ATP8B4: variants seen among roughly 807,000 people sequenced by gnomAD.
The protein encoded by ATP8B4 is ATPase phospholipid transporting 8B4 (putative), also known as probable phospholipid-transporting ATPase IM.
A neutral mutation model predicts 145.6 loss-of-function variants in ATP8B4; 133 were observed. The observed-to-expected ratio is 0.91, with a 90% CI of 0.79 to 1.05. The LOEUF is 1.05. Among genes scored for constraint, ATP8B4 ranks in the 50% least tolerant of loss-of-function variants. ATP8B4 has a pLI of 0.00. For synonymous variants in ATP8B4, 507 were observed against 492.9 expected (o/e 1.03, Z -0.38); for missense variants, 1,458 against 1,425.2 (o/e 1.02, Z -0.37).
At chr15:50,175,433 A>C (rs1174220151) in intron 1 of ATP8B4, among the ~76,000 whole-genome samples, 1 of 152,206 alleles carries the variant, frequency 6.6e-6, no homozygotes, top group Non-Finnish European at 1.5e-5. Flanking sequence ...ACGAACTCTA[A>C]CCAGTAAGAA....
intron 1 of ATP8B4, among the ~76,000 whole-genome samples, chr15:50,115,905 G>C (rs1057412342): frequency 6.6e-6 from 1 of 152,224 alleles, no homozygotes; most frequent in African/African-American, 2.4e-5. Context: ...CGGGGAGACA[G>C]AAGAGGTATC....
In ATP8B4 at chr15:49,860,098, C is replaced by A; in HGVS notation, c.*96G>T. 1 of 1,429,276 alleles carries A rather than the reference C, an allele frequency of 7.0e-7. No individual in the cohort carries two copies. Among genetic ancestry groups the A allele is most frequent in the Non-Finnish European group, 9.4e-7 (1 of 1,058,498 alleles). 88.5% of individuals were successfully genotyped at this position (1,429,276 alleles called of 1,614,324 possible). ...AAGTTAAGTGAGGCAATCTGCCTGCCCCACCTCTTGCCTCAAATCTCAAAC... is the reference window on the plus strand; with the variant it reads ...AAGTTAAGTGAGGCAATCTGCCTGCACCACCTCTTGCCTCAAATCTCAAAC... On this transcript the variant is annotated 3_prime_UTR_variant, in exon 28 of 28. Transcript: ENST00000284509.
intron 25 of ATP8B4, among the ~76,000 whole-genome samples, chr15:49,872,261 T>C (rs2033778327): frequency 6.6e-6 from 1 of 152,200 alleles, no homozygotes; most frequent in South Asian, 2.1e-4. Context: ...CTGTGTGATC[T>C]TGGGCAAATC....
intron 3 of ATP8B4, among the ~76,000 whole-genome samples, chr15:50,065,663 C>T (rs546653523): frequency 1.7e-4 from 26 of 152,162 alleles, no homozygotes; most frequent in African/African-American, 5.8e-4. Context: ...AAATTTATTC[C>T]ATTACAGCCA....
chr15:49,897,534 C>G lies in ATP8B4; in HGVS notation c.2474-19G>C, dbSNP rs754324504. ...TGAGCACCTACAAAGGAAAGAGGAACACTGTCACTCCCAAAACAAAGCCAC... is the reference window on the plus strand; with the variant it reads ...TGAGCACCTACAAAGGAAAGAGGAAGACTGTCACTCCCAAAACAAAGCCAC... On this transcript the variant is annotated intron_variant, in intron 22 of 27. Transcript: ENST00000284509. 1 of 1,479,454 alleles carries G rather than the reference C, an allele frequency of 6.8e-7. No individual in the cohort carries two copies. The highest frequency in any genetic ancestry group is 9.0e-7 in the Non-Finnish European group (1 of 1,112,542). The allele number at this position is 1,479,454 out of a possible 1,614,324, so 91.6% of individuals were successfully genotyped here. A position where few individuals can be genotyped will look rare whatever the true frequency, so the allele number is the denominator to read the frequency against.
In ATP8B4 at chr15:50,099,895, C is replaced by T. The variant is rs372709955; in HGVS notation, c.28+7044G>A. On this transcript the variant is annotated intron_variant, in intron 2 of 27. Coordinates refer to ENST00000284509, the MANE Select transcript of ATP8B4 (RefSeq NM_024837.4). ...TACTAAAAATACAAAATTAGCCAGG[C>T]GTAGTGGTGCATGCCTGTAATCCCA... 4.6e-5 allele frequency among the ~76,000 whole-genome samples: 7 copies of T among 151,972 alleles called. No homozygotes were observed. In the South Asian group the frequency reaches 6.2e-4, roughly 14 times the overall value.
chr15:49,885,002 T>C (rs981373248), intron 23 of ATP8B4, among the ~76,000 whole-genome samples: 7 of 152,234 alleles, frequency 4.6e-5, no homozygotes, highest in East Asian at 1.9e-4. Context: ...GGACCACTGA[T>C]TTAAAATAAC....
At chr15:50,174,562 A>C (rs945435900) in intron 1 of ATP8B4, among the ~76,000 whole-genome samples, 3 of 151,926 alleles carry the variant, frequency 2.0e-5, no homozygotes, top group Non-Finnish European at 4.4e-5. Flanking sequence ...AAAAAAAAAA[A>C]AAAAAACTTA....
chr15:49,898,369 C>T, intron 21 of ATP8B4, 118 bp from the exon 22 acceptor site: 1 of 1,106,748 alleles, frequency 9.0e-7, no homozygotes, highest in Admixed American at 2.6e-5. Flanking sequence ...CCATTTCATT[C>T]ACTCCAAAAA....
chr15:50,049,832 C>A (rs1404414495), intron 3 of ATP8B4, among the ~76,000 whole-genome samples: 1 of 151,566 alleles, frequency 6.6e-6, no homozygotes, highest in Admixed American at 6.6e-5. Context: ...TCTTTTTTTA[C>A]TTTTTAATAA....
At chr15:50,058,178 T>C (rs1000906092) in intron 3 of ATP8B4, among the ~76,000 whole-genome samples, 4 of 152,188 alleles carry the variant, frequency 2.6e-5, no homozygotes, top group African/African-American at 9.7e-5. Context: ...CTATGCCTCC[T>C]CCTTTTAAAT....
chr15:50,011,050 G>T, intron 6 of ATP8B4, 133 bp from the exon 7 acceptor site: 1 of 562,942 alleles, frequency 1.8e-6, no homozygotes, highest in Non-Finnish European at 3.0e-6. Context: ...AATTCAAAAT[G>T]GTCTTACATT....
chr15:49,931,017 T>G, intron 16 of ATP8B4, 102 bp downstream of exon 16: 2 of 1,299,618 alleles, frequency 1.5e-6, no homozygotes, highest in Middle Eastern at 2.8e-4. Flanking sequence ...GTTTCAAAAC[T>G]ATCACAACCC....
chr15:49,994,793 A>G (rs1350920232), intron 9 of ATP8B4, among the ~76,000 whole-genome samples: 1 of 152,092 alleles, frequency 6.6e-6, no homozygotes, highest in Admixed American at 6.6e-5. Context: ...CGATTCTTGA[A>G]GGGTGTGGTA....
At chr15:50,074,765 G>A (rs1269029220) in intron 2 of ATP8B4, among the ~76,000 whole-genome samples, 1 of 152,102 alleles carries the variant, frequency 6.6e-6, no homozygotes, top group Non-Finnish European at 1.5e-5. Context: ...GCAAACACCA[G>A]TACAAATAAT....
At chr15:49,984,729 A>G (rs1479877362) in intron 10 of ATP8B4, among the ~76,000 whole-genome samples, 3 of 152,134 alleles carry the variant, frequency 2.0e-5, no homozygotes, top group African/African-American at 7.2e-5. Flanking sequence ...AAGGTAACCT[A>G]TTAGTATAAA....
rs532928753 is a variant in ATP8B4 at position 49,866,613 on chromosome 15, C to T, written c.3028-129G>A. 236 of 1,028,000 alleles carry T rather than the reference C, an allele frequency of 2.3e-4. 1 individual carries two copies. In the East Asian group the frequency reaches 2.4e-3, roughly 11 times the overall value. The allele number at this position is 1,028,000 out of a possible 1,614,324, so 63.7% of individuals were successfully genotyped here. A position where few individuals can be genotyped will look rare whatever the true frequency, so the allele number is the denominator to read the frequency against. On this transcript the variant is annotated intron_variant, in intron 25 of 27. Transcript: ENST00000284509. ...ACCTGCCTAGTTGCCAAGCCAACCG[C>T]GGGCATCCCCACTTTCTGAACACAC...
chr15:50,028,247 T>C (rs1371708393), intron 6 of ATP8B4, among the ~76,000 whole-genome samples: 1 of 152,234 alleles, frequency 6.6e-6, no homozygotes, highest in Non-Finnish European at 1.5e-5. Context: ...CTATGCTGTC[T>C]GCCTCTATCT....
chr15:50,080,568 T>C (rs1447930800), intron 2 of ATP8B4, among the ~76,000 whole-genome samples: 2 of 151,902 alleles, frequency 1.3e-5, no homozygotes, highest in Non-Finnish European at 2.9e-5. Flanking sequence ...GTTTAAAAGA[T>C]GAGAGGGACA....
Sources: allele counts gnomAD v4.1 joint callset (sites outside exome capture counted in the v4.1 genomes callset), GRCh38; gene constraint gnomAD v4.1.1; transcripts MANE v1.5; gene names NCBI Gene and HGNC (gene_info 2026-07-23, HGNC 2026-07-21).